PCDHAC1: variants seen among roughly 807,000 people sequenced by gnomAD.
PCDHAC1 encodes protocadherin alpha subfamily C, 1, also known as protocadherin alpha-C1.
A neutral mutation model predicts 60.0 loss-of-function variants in PCDHAC1; 42 were observed. That is an observed-to-expected ratio of 0.70 (90% CI 0.55 to 0.90). PCDHAC1 has a LOEUF of 0.90. PCDHAC1 is among the 40% of genes least tolerant of loss of function. PCDHAC1 has a pLI of 0.00. For synonymous variants in PCDHAC1, 468 were observed against 499.3 expected (o/e 0.94, Z 0.84); for missense variants, 1,160 against 1,222.3 (o/e 0.95, Z 0.76).
chr5:140,971,488 A>C (rs17119328), intron 1 of PCDHAC1, among the ~76,000 whole-genome samples: 9,487 of 152,206 alleles, frequency 0.062, 310 homozygotes, highest in African/African-American at 0.074. Flanking sequence ...ACATTGTTAC[A>C]GTGTGGCAAG....
intron 3 of PCDHAC1, among the ~76,000 whole-genome samples, chr5:141,007,801 G>A (rs559830556): frequency 2.6e-5 from 4 of 152,148 alleles, no homozygotes; most frequent in African/African-American, 7.2e-5. Flanking sequence ...GCCTTTATCT[G>A]CCATTCATTT....
intron 1 of PCDHAC1, among the ~76,000 whole-genome samples, chr5:140,936,885 T>C (rs1490428437): frequency 6.6e-6 from 1 of 152,238 alleles, no homozygotes; most frequent in Non-Finnish European, 1.5e-5. Context: ...CCTGCTTTGA[T>C]TTTAATTGGC....
chr5:140,986,000 A>G (rs549071976), intron 3 of PCDHAC1, among the ~76,000 whole-genome samples: 1 of 151,922 alleles, frequency 6.6e-6, no homozygotes, highest in Non-Finnish European at 1.5e-5. Flanking sequence ...CAGCCTCCCA[A>G]AGTGCTGGGA....
chr5:140,928,532 A>G lies in PCDHAC1; in HGVS notation c.1640A>G (p.Asp547Gly), dbSNP rs781788985. 42 of 1,614,110 alleles carry G rather than the reference A, an allele frequency of 2.6e-5. No individual in the cohort carries two copies. The highest frequency in any genetic ancestry group is 1.6e-4 in the Middle Eastern group (1 of 6,084). Residue 547 changes from aspartate to glycine, a missense_variant, in exon 1 of 4, where the codon GAT (aspartate) becomes GGT (glycine). By Grantham distance (94) the Asp-to-Gly change is moderately conservative (BLOSUM62 -1). This residue lies in a region of PCDHAC1 where 1,113 missense variants were observed against 1,163.7 expected (regional missense o/e 0.96). Coordinates refer to ENST00000253807, the MANE Select transcript of PCDHAC1 (RefSeq NM_018898.5). ...ATVTINLFVV[D>G]RNDNYPVILF... ...GTGACTATAAACTTGTTTGTGGTAGATAGGAATGACAATTATCCGGTTATC... is the reference window on the plus strand; with the variant it reads ...GTGACTATAAACTTGTTTGTGGTAGGTAGGAATGACAATTATCCGGTTATC...
Position 141,009,469 on chromosome 5 carries a change from A to G in PCDHAC1, c.2582-158A>G, listed in dbSNP as rs1440766583. On this transcript the variant is annotated intron_variant, in intron 3 of 3. Transcript: ENST00000253807. Reference sequence around the variant, plus strand: ...AAAAAAATTAAACAAATAAATAAATAAGTAAACACTTGCCTTGCCCTCAGA... The same window carrying G: ...AAAAAAATTAAACAAATAAATAAATGAGTAAACACTTGCCTTGCCCTCAGA... 6 of 956,242 alleles carry G rather than the reference A, an allele frequency of 6.3e-6. No homozygotes were observed. The African/African-American group carries it at 7.1e-5, about 11-fold the overall frequency. 59.2% of individuals were successfully genotyped at this position (956,242 alleles called of 1,614,324 possible). A position where few individuals can be genotyped will look rare whatever the true frequency, so the allele number is the denominator to read the frequency against.
At chr5:140,950,746 T>C (rs2094515579) in intron 1 of PCDHAC1, among the ~76,000 whole-genome samples, 1 of 152,138 alleles carries the variant, frequency 6.6e-6, no homozygotes, top group Non-Finnish European at 1.5e-5. Context: ...AATTTCTCTC[T>C]ATCCTTTCTG....
At chr5:140,980,307 TA>T (rs1554241617) in intron 2 of PCDHAC1, among the ~76,000 whole-genome samples, 2 of 152,140 alleles carry the variant, frequency 1.3e-5, no homozygotes, top group African/African-American at 4.8e-5. Context: ...AGTTGTGCCT[TA>T]AAAACTACAT....
chr5:141,004,806 T>C (rs1326385428), intron 3 of PCDHAC1, among the ~76,000 whole-genome samples: 1 of 152,196 alleles, frequency 6.6e-6, no homozygotes, highest in Non-Finnish European at 1.5e-5. Flanking sequence ...CTGAGCTCAA[T>C]TGCAGATTTG....
intron 1 of PCDHAC1, among the ~76,000 whole-genome samples, chr5:140,963,839 G>A (rs566875036): frequency 1.3e-5 from 2 of 152,290 alleles, no homozygotes; most frequent in African/African-American, 2.4e-5. Flanking sequence ...ATTTTCTCAT[G>A]TAATCATAAT....
intron 1 of PCDHAC1, among the ~76,000 whole-genome samples, chr5:140,947,713 T>G (rs1252298380): frequency 6.6e-6 from 1 of 151,618 alleles, no homozygotes; most frequent in African/African-American, 2.4e-5. Flanking sequence ...AGTATTGAGG[T>G]TTCAAAAGTT....
chr5:140,965,975 T>TGA (rs1554227957), intron 1 of PCDHAC1, among the ~76,000 whole-genome samples: 1 of 152,180 alleles, frequency 6.6e-6, no homozygotes, highest in Non-Finnish European at 1.5e-5. Flanking sequence ...CCCTAGGAGT[T>TGA]GAGCACTTTC....
chr5:140,966,659 G>T, intron 1 of PCDHAC1: 1 of 1,217,656 alleles, frequency 8.2e-7, no homozygotes, highest in South Asian at 2.0e-5. Flanking sequence ...AGCGGTGGGG[G>T]AGCAGGCGCA....
At chr5:140,975,876 A>G (rs573852863) in intron 1 of PCDHAC1, among the ~76,000 whole-genome samples, 1 of 152,230 alleles carries the variant, frequency 6.6e-6, no homozygotes, top group South Asian at 2.1e-4. Context: ...TACCTAATTG[A>G]TTTTTTCCAC....
At chr5:140,996,173 A>G (rs2097715399) in intron 3 of PCDHAC1, among the ~76,000 whole-genome samples, 1 of 152,236 alleles carries the variant, frequency 6.6e-6, no homozygotes, top group Non-Finnish European at 1.5e-5. Flanking sequence ...ATGTGCTGAC[A>G]GCACCTCCAT....
intron 3 of PCDHAC1, among the ~76,000 whole-genome samples, chr5:140,995,405 T>G (rs1203404732): frequency 2.6e-5 from 4 of 152,154 alleles, no homozygotes; most frequent in African/African-American, 9.7e-5. Context: ...TGGCTCGAGA[T>G]TTCATCACAT....
At chr5:140,950,791 A>T (rs2153690738) in intron 1 of PCDHAC1, among the ~76,000 whole-genome samples, 1 of 152,142 alleles carries the variant, frequency 6.6e-6, no homozygotes, top group East Asian at 1.9e-4. Flanking sequence ...CTTTTTAAAT[A>T]TTGTCTGGTT....
chr5:140,972,660 ATTTT>A (rs11350929), intron 1 of PCDHAC1, among the ~76,000 whole-genome samples: 1 of 117,264 alleles, frequency 8.5e-6, no homozygotes. Flanking sequence ...AAGAAACCAA[ATTTT>A]TTTTTTTTTT....
intron 1 of PCDHAC1, among the ~76,000 whole-genome samples, chr5:140,977,726 C>T (rs368776202): frequency 2.0e-5 from 3 of 152,290 alleles, no homozygotes; most frequent in African/African-American, 7.2e-5. Flanking sequence ...GATCATTTCT[C>T]TCCTGGGTGT....
chr5:140,933,405 T>C (rs2089126451), intron 1 of PCDHAC1, among the ~76,000 whole-genome samples: 1 of 152,062 alleles, frequency 6.6e-6, no homozygotes, highest in African/African-American at 2.4e-5. Context: ...GGTTACCATC[T>C]ACAGATATTC....
Sources: gnomAD v4.1 joint callset for allele counts (sites outside exome capture counted in the v4.1 genomes callset) on GRCh38, gnomAD v4.1.1 for gene constraint, gnomAD v4.1.1 regional missense constraint, MANE v1.5 for transcripts, NCBI Gene and HGNC (gene_info 2026-07-23, HGNC 2026-07-21) for gene names.